CSRP1: variants seen among roughly 807,000 people sequenced by gnomAD.
CSRP1 encodes the protein cysteine and glycine-rich protein 1.
Under a neutral mutation model 25.4 loss-of-function variants are expected in CSRP1, and 16 were observed. The observed-to-expected ratio is 0.63, with a 90% CI of 0.43 to 0.96. The LOEUF is 0.96. Among genes scored for constraint, CSRP1 ranks in the 40% least tolerant of loss-of-function variants. The pLI, the probability that CSRP1 is intolerant of heterozygous loss-of-function variation, is 0.00. For missense variants in CSRP1, 212 were observed against 243.6 expected (o/e 0.87, Z 0.86); for synonymous variants, 97 against 95.3 (o/e 1.02, Z -0.10).
At position 201,504,157 on chromosome 1, in the gene CSRP1, G is replaced by A. The variant is rs116631838; in HGVS notation, c.-2+2913C>T. 4.2e-3 allele frequency among the ~76,000 whole-genome samples: 636 copies of A among 152,348 alleles called. 5 individuals are homozygous for A. The highest frequency in any genetic ancestry group is 0.015 in the African/African-American group (611 of 41,572). On this transcript the variant is annotated intron_variant, in intron 1 of 5. Transcript: ENST00000340006. ...AAAGAAAAATAATAAGGTAGTGACTGAGCATACGTTTTGGAAACAGTCAGC... is the reference window on the plus strand; with the variant it reads ...AAAGAAAAATAATAAGGTAGTGACTAAGCATACGTTTTGGAAACAGTCAGC...
At chr1:201,488,808 AG>A in intron 4 of CSRP1, 46 bp downstream of exon 4, 1 of 1,601,862 alleles carries the variant, frequency 6.2e-7, no homozygotes, top group African/African-American at 1.3e-5. Context: ...TCCACATTTC[AG>A]GAAGATATCT....
At position 201,500,002 on chromosome 1, in the gene CSRP1, C is replaced by T. The variant is rs536731853; in HGVS notation, c.-1-3698G>A. ...CAGACAAGACAAGCAAGGCTCAGAG[C>T]GGTTAGGCAAGTTGCTTATAGTCAC... On this transcript the variant is annotated intron_variant, in intron 1 of 5. Coordinates refer to ENST00000340006, the MANE Select transcript of CSRP1 (RefSeq NM_004078.3). 1.2e-4 allele frequency among the ~76,000 whole-genome samples: 18 copies of T among 152,262 alleles called. 1 individual carries two copies. The highest frequency in any genetic ancestry group is 3.6e-4 in the African/African-American group (15 of 41,554).
intron 2 of CSRP1, chr1:201,491,833 C>A (rs112862928): frequency 6.6e-6 from 1 of 152,222 alleles, no homozygotes; most frequent in East Asian, 1.9e-4. Context: ...TTACCACCCT[C>A]GGAGAAGCTC....
At chr1:201,504,264 A>C (rs1423515595) in intron 1 of CSRP1, among the ~76,000 whole-genome samples, 1 of 152,206 alleles carries the variant, frequency 6.6e-6, no homozygotes, top group Non-Finnish European at 1.5e-5. Context: ...CAGTTTCTCC[A>C]TTTGTAAAAT....
intron 1 of CSRP1, among the ~76,000 whole-genome samples, chr1:201,500,391 C>T (rs966459079): frequency 1.2e-4 from 19 of 152,272 alleles, no homozygotes; most frequent in Admixed American, 1.2e-3. Flanking sequence ...CAGGGGCCCA[C>T]ATCCAGCAGG....
At chr1:201,488,712 A>G in intron 4 of CSRP1, 143 bp downstream of exon 4, 3 of 910,462 alleles carry the variant, frequency 3.3e-6, no homozygotes, top group Non-Finnish European at 4.9e-6. Flanking sequence ...GGTACATGCA[A>G]CCCACAGGGA....
Position 201,490,034 on chromosome 1 carries a change from C to G in CSRP1, c.281+142G>C. On this transcript the variant is annotated intron_variant, in intron 3 of 5. Transcript: ENST00000340006. ...CCTGCAGCAGCCTGACACATAGACA[C>G]TGCTCTGTGACTGCCTTTTAAATAA... 6 of 813,196 alleles carry G rather than the reference C, an allele frequency of 7.4e-6. No individual in the cohort carries two copies. The South Asian group carries it at 1.1e-4, about 15-fold the overall frequency. The allele number at this position is 813,196 out of a possible 1,614,324, so 50.4% of individuals were successfully genotyped here.
At chr1:201,491,022 G>A (rs1462315332) in intron 2 of CSRP1, 2 of 152,272 alleles carry the variant, frequency 1.3e-5, no homozygotes, top group African/African-American at 2.4e-5. Flanking sequence ...GACTCCTGGG[G>A]TAAGAGAGAG....
intron 1 of CSRP1, among the ~76,000 whole-genome samples, chr1:201,501,640 C>A (rs923577402): frequency 6.6e-6 from 1 of 152,138 alleles, no homozygotes; most frequent in Non-Finnish European, 1.5e-5. Flanking sequence ...GCAGCTCTTA[C>A]AGCAGCAGCA....
At position 201,495,977 on chromosome 1, in the gene CSRP1, C is replaced by T. The variant is rs115535611; in HGVS notation, c.112+215G>A. On this transcript the variant is annotated intron_variant, in intron 2 of 5. Transcript: ENST00000340006. ...TTCAGCCCCTGAACGCCTGCCACCCCGACCCGCTCTGGCCAGTTCATCCCT... is the reference window on the plus strand; with the variant it reads ...TTCAGCCCCTGAACGCCTGCCACCCTGACCCGCTCTGGCCAGTTCATCCCT... 5.4e-4 allele frequency: 255 copies of T among 473,810 alleles called. 1 individual carries two copies. The highest frequency in any genetic ancestry group is 4.7e-3 in the African/African-American group (238 of 51,112). The allele number at this position is 473,810 out of a possible 1,614,324, so 29.4% of individuals were successfully genotyped here. A position where few individuals can be genotyped will look rare whatever the true frequency, so the allele number is the denominator to read the frequency against.
chr1:201,488,752 A>C (rs1664229733), intron 4 of CSRP1, 103 bp downstream of exon 4: 1 of 1,411,386 alleles, frequency 7.1e-7, no homozygotes, highest in South Asian at 1.3e-5. Context: ...CCCAGTGCTC[A>C]GGCTGCCCTG....
At chr1:201,487,112 T>C in intron 4 of CSRP1, 1 of 663,980 alleles carries the variant, frequency 1.5e-6, no homozygotes, top group Non-Finnish European at 2.3e-6. Context: ...TCTCATTTAA[T>C]CATTAAAACT....
At chr1:201,490,643 C>T in intron 2 of CSRP1, 2 of 306,064 alleles carry the variant, frequency 6.5e-6, no homozygotes, top group South Asian at 4.6e-5. Flanking sequence ...CAGTGCAACA[C>T]AGGGTTCAGA....
In CSRP1 at chr1:201,490,343, C is replaced by T; in HGVS notation, c.114G>A (p.Met38Ile). ...NSFHKSCFLC[M>I]VCKKNLDSTT... ...TACTGTCCAGATTCTTCTTGCAGACCACTGTGGAGGGGAAGGGGAAGCGGA... is the reference window on the plus strand; with the variant it reads ...TACTGTCCAGATTCTTCTTGCAGACTACTGTGGAGGGGAAGGGGAAGCGGA... The change falls in exon 3 of 6, where the codon ATG becomes ATA. Residue 38 changes from methionine (M) to isoleucine (I), a missense_variant and splice_region_variant. Physicochemically the swap from Met to Ile is conservative, Grantham distance 10 (BLOSUM62 1). Transcript: ENST00000340006. 6.2e-7 allele frequency: 1 copy of T among 1,613,712 alleles called. No individual in the cohort carries two copies. Among genetic ancestry groups the T allele is most frequent in the South Asian group, 1.1e-5 (1 of 91,064 alleles).
intron 1 of CSRP1, among the ~76,000 whole-genome samples, chr1:201,506,275 C>G (rs1403549890): frequency 6.6e-6 from 1 of 152,174 alleles, no homozygotes; most frequent in African/African-American, 2.4e-5. Flanking sequence ...TGGTGGGTGG[C>G]TGGAGCCCAG....
intron 2 of CSRP1, among the ~76,000 whole-genome samples, chr1:201,493,143 C>T (rs1188557258): frequency 6.6e-6 from 1 of 152,202 alleles, no homozygotes; most frequent in Admixed American, 6.5e-5. Flanking sequence ...TCTGAACCAC[C>T]ACCTGCTCAT....
intron 1 of CSRP1, 102 bp from the exon 2 acceptor site, chr1:201,496,406 G>C (rs1311138040): frequency 1.5e-5 from 15 of 999,836 alleles, no homozygotes; most frequent in African/African-American, 6.4e-5. Flanking sequence ...AGGAGAGAAA[G>C]ACAAAAGTAG....
At position 201,504,432 on chromosome 1, in the gene CSRP1, T is replaced by C. The variant is rs552642320; in HGVS notation, c.-2+2638A>G. On this transcript the variant is annotated intron_variant, in intron 1 of 5. Coordinates refer to ENST00000340006, the MANE Select transcript of CSRP1 (RefSeq NM_004078.3). ...TCGTTCAGGTTTGTATCTCTTTTGA[T>C]ATTTGACAATATGCCCTGAGTAATG... Among the ~76,000 whole-genome samples the C allele has an allele frequency of 2.6e-5, 4 of 152,386 alleles. No homozygotes were observed. In the South Asian group the frequency reaches 6.2e-4, roughly 24 times the overall value.
At chr1:201,490,709 T>C (rs928268067) in intron 2 of CSRP1, 3 of 183,870 alleles carry the variant, frequency 1.6e-5, no homozygotes, top group Non-Finnish European at 3.4e-5. Context: ...TTCCTCACTC[T>C]GCCCTCAACA....
Sources: gnomAD v4.1 joint callset for allele counts (sites outside exome capture counted in the v4.1 genomes callset) on GRCh38, gnomAD v4.1.1 for gene constraint, MANE v1.5 for transcripts, NCBI Gene and HGNC (gene_info 2026-07-23, HGNC 2026-07-21) for gene names.